The following GPM6A variants were observed in gnomAD, a reference collection of about 807,000 sequenced individuals.
GPM6A encodes glycoprotein M6A, also known as neuronal membrane glycoprotein M6-a.
A neutral mutation model predicts 32.1 loss-of-function variants in GPM6A; 7 were observed. That is an observed-to-expected ratio of 0.22 (90% CI 0.12 to 0.41). The LOEUF (loss-of-function observed/expected upper bound fraction) is 0.41, where lower values mean the gene tolerates loss of function less well. Ranked by LOEUF, GPM6A falls within the 10% of genes least tolerant of loss-of-function variation. The pLI is 1.00. For missense variants in GPM6A, 235 were observed against 347.2 expected (o/e 0.68, Z 2.57); for synonymous variants, 130 against 123.4 (o/e 1.05, Z -0.35).
chr4:175,764,631 G>A (rs1732885590), intron 1 of GPM6A, among the ~76,000 whole-genome samples: 1 of 151,954 alleles, frequency 6.6e-6, no homozygotes. Context: ...AAGATAAAAT[G>A]TATATCCTCA....
At chr4:175,892,040 G>A (rs893850639) in intron 1 of GPM6A, among the ~76,000 whole-genome samples, 2 of 152,118 alleles carry the variant, frequency 1.3e-5, no homozygotes, top group Non-Finnish European at 2.9e-5. Context: ...AAATCAGAGG[G>A]CTTGTTTGGG....
chr4:175,660,940 T>C (rs1742373771), intron 3 of GPM6A, among the ~76,000 whole-genome samples: 1 of 152,226 alleles, frequency 6.6e-6, no homozygotes, highest in Non-Finnish European at 1.5e-5. Flanking sequence ...ATTATGGACT[T>C]TTCTACCTTG....
chr4:175,734,639 T>C (rs1731585578), intron 1 of GPM6A, among the ~76,000 whole-genome samples: 1 of 151,998 alleles, frequency 6.6e-6, no homozygotes, highest in Non-Finnish European at 1.5e-5. Flanking sequence ...TTTGGGAGGC[T>C]GAGGTGGGCA....
chr4:175,635,950 C>T (rs994260096), intron 6 of GPM6A, among the ~76,000 whole-genome samples: 1 of 151,878 alleles, frequency 6.6e-6, no homozygotes, highest in Non-Finnish European at 1.5e-5. Flanking sequence ...AATTAGTAAA[C>T]AGTACATTGA....
intron 4 of GPM6A, chr4:175,641,123 AT>A (rs753813697): frequency 2.6e-6 from 1 of 379,588 alleles, no homozygotes; most frequent in Non-Finnish European, 4.8e-6. Context: ...GGTTTGGCCC[AT>A]TAATGTGATA....
At position 175,817,642 on chromosome 4, in the gene GPM6A, G is replaced by GC. The variant is rs1009010899; in HGVS notation, c.-22-5394_-22-5393insG. Among the ~76,000 whole-genome samples, 24 of 7,768 alleles carry GC rather than the reference G, an allele frequency of 3.1e-3. No individual in the cohort carries two copies. In the Non-Finnish European group the frequency reaches 0.044, roughly 14 times the overall value. 5.1% of individuals were successfully genotyped at this position (7,768 alleles called of 152,430 possible). On this transcript the variant is annotated intron_variant, in intron 1 of 7. Transcript: ENST00000280187. ...TCACCCAAAGGAGATGAAATTAGAT[G>GC]GGAAAAAAGGGGGAGGCAGATTGTT...
At chr4:175,835,797 T>C (rs929545092) in intron 1 of GPM6A, among the ~76,000 whole-genome samples, 6 of 148,002 alleles carry the variant, frequency 4.1e-5, no homozygotes, top group Non-Finnish European at 8.9e-5. Context: ...ATATAATATA[T>C]ACTTTATAAA....
intron 1 of GPM6A, among the ~76,000 whole-genome samples, chr4:175,777,649 G>C (rs1276472278): frequency 6.6e-6 from 1 of 151,888 alleles, no homozygotes; most frequent in Non-Finnish European, 1.5e-5. Context: ...TTTTTAACTA[G>C]AAAATATCAA....
intron 1 of GPM6A, among the ~76,000 whole-genome samples, chr4:175,963,316 C>T (rs899449794): frequency 1.3e-5 from 2 of 151,928 alleles, no homozygotes; most frequent in African/African-American, 4.8e-5. Flanking sequence ...TCTCGGAGAA[C>T]ACCAAGTAGG....
chr4:175,828,349 G>A (rs1486085705), intron 1 of GPM6A, among the ~76,000 whole-genome samples: 13 of 152,064 alleles, frequency 8.5e-5, no homozygotes. Flanking sequence ...AATTTAGCAG[G>A]GGGCATATTT....
At chr4:175,895,572 C>G (rs1737771146) in intron 1 of GPM6A, among the ~76,000 whole-genome samples, 1 of 151,958 alleles carries the variant, frequency 6.6e-6, no homozygotes, top group Non-Finnish European at 1.5e-5. Flanking sequence ...TATATAGTTA[C>G]TAATAAATTT....
chr4:175,937,509 T>C (rs1303056347), intron 1 of GPM6A, among the ~76,000 whole-genome samples: 5 of 152,128 alleles, frequency 3.3e-5, no homozygotes, highest in African/African-American at 1.2e-4. Context: ...GTTTCCGACA[T>C]GTACAAATGG....
intron 3 of GPM6A, among the ~76,000 whole-genome samples, chr4:175,662,100 G>T (rs182039397): frequency 1.6e-4 from 24 of 151,980 alleles, no homozygotes; most frequent in Non-Finnish European, 8.8e-5. Flanking sequence ...ACAATGACAG[G>T]CATATTTAAT....
intron 1 of GPM6A, among the ~76,000 whole-genome samples, chr4:175,874,053 CA>C (rs1212969691): frequency 6.6e-6 from 1 of 152,032 alleles, no homozygotes; most frequent in African/African-American, 2.4e-5. Context: ...GAGAAAAATA[CA>C]TGACTAGCTA....
At chr4:175,785,173 C>G (rs114942857) in intron 1 of GPM6A, among the ~76,000 whole-genome samples, 1 of 152,152 alleles carries the variant, frequency 6.6e-6, no homozygotes, top group African/African-American at 2.4e-5. Context: ...GGGGATGTCC[C>G]CTGACCAAGT....
At chr4:175,909,904 A>G (rs1014726573) in intron 1 of GPM6A, among the ~76,000 whole-genome samples, 7 of 152,142 alleles carry the variant, frequency 4.6e-5, no homozygotes, top group African/African-American at 1.7e-4. Flanking sequence ...ACCAAGTACT[A>G]CCCTTGTATT....
At chr4:175,667,112 A>G (rs1742794685) in intron 3 of GPM6A, among the ~76,000 whole-genome samples, 1 of 152,240 alleles carries the variant, frequency 6.6e-6, no homozygotes, top group Non-Finnish European at 1.5e-5. Flanking sequence ...TTAACCTTCT[A>G]TATACAGGAT....
At chr4:175,885,349 G>A (rs1404812279) in intron 1 of GPM6A, among the ~76,000 whole-genome samples, 1 of 152,230 alleles carries the variant, frequency 6.6e-6, no homozygotes, top group African/African-American at 2.4e-5. Flanking sequence ...GGAATAGATA[G>A]TGTTTAAATT....
At chr4:175,714,163 T>C (rs1212207125) in intron 1 of GPM6A, among the ~76,000 whole-genome samples, 1 of 152,202 alleles carries the variant, frequency 6.6e-6, no homozygotes, top group Non-Finnish European at 1.5e-5. Flanking sequence ...CTACAAGATA[T>C]GCAAGCCACG....
Sources: allele counts gnomAD v4.1 joint callset (sites outside exome capture counted in the v4.1 genomes callset), GRCh38; gene constraint gnomAD v4.1.1; transcripts MANE v1.5; gene names NCBI Gene and HGNC (gene_info 2026-07-23, HGNC 2026-07-21).